Variants in RNF217 observed in about 807,000 individuals in gnomAD.
RNF217 encodes the protein E3 ubiquitin-protein ligase RNF217.
RNF217 carries 31 observed loss-of-function variants against 57.8 expected under a neutral mutation model. The observed-to-expected ratio is 0.54, with a 90% CI of 0.40 to 0.72. The LOEUF is 0.72. Ranked by LOEUF, RNF217 falls within the 30% of genes least tolerant of loss-of-function variation. The pLI is 0.00. For missense variants in RNF217, 696 were observed against 708.3 expected (o/e 0.98, Z 0.20); for synonymous variants, 313 against 294.0 (o/e 1.06, Z -0.66).
chr6:125,021,306 AC>A (rs1433710202), intron 1 of RNF217, among the ~76,000 whole-genome samples: 2 of 148,034 alleles, frequency 1.4e-5, no homozygotes, highest in Middle Eastern at 3.3e-3. Flanking sequence ...TTGGTCTGTC[AC>A]CAAGGCTGGA....
intron 2 of RNF217, among the ~76,000 whole-genome samples, chr6:125,054,970 T>C (rs998011674): frequency 6.6e-5 from 10 of 152,148 alleles, no homozygotes; most frequent in African/African-American, 9.7e-5. Flanking sequence ...GGTTGTGAGA[T>C]AGCATTTCAT....
At chr6:125,022,571 A>G (rs1785886352) in intron 1 of RNF217, among the ~76,000 whole-genome samples, 1 of 152,126 alleles carries the variant, frequency 6.6e-6, no homozygotes, top group Admixed American at 6.5e-5. Context: ...TGTTCCTTTA[A>G]GGGAGGCTGG....
chr6:125,075,150 T>C (rs771784589), intron 3 of RNF217, among the ~76,000 whole-genome samples: 1 of 152,178 alleles, frequency 6.6e-6, no homozygotes, highest in Non-Finnish European at 1.5e-5. Flanking sequence ...AGATGGTTTT[T>C]GCAATTTTTT....
chr6:124,982,337 A>G (rs1413594), intron 1 of RNF217, among the ~76,000 whole-genome samples: 130,074 of 152,116 alleles, frequency 0.86, 55,658 homozygotes, highest in East Asian at 0.89. Context: ...TTAATTTTTG[A>G]ATCATGACAG....
intron 3 of RNF217, among the ~76,000 whole-genome samples, chr6:125,076,450 ATAT>A (rs1788375899): frequency 6.6e-6 from 1 of 152,166 alleles, no homozygotes; most frequent in African/African-American, 2.4e-5. Context: ...AGTACCTGAA[ATAT>A]TATCAAGCTT....
chr6:125,009,023 A>G (rs1309274745), intron 1 of RNF217: 2 of 363,690 alleles, frequency 5.5e-6, no homozygotes, highest in South Asian at 1.2e-4. Context: ...ATGTAATTTT[A>G]TACCTCATTA....
At chr6:125,070,783 C>T (rs993255754) in intron 3 of RNF217, among the ~76,000 whole-genome samples, 1 of 152,058 alleles carries the variant, frequency 6.6e-6, no homozygotes. Context: ...TTGAAGGAAA[C>T]ACATATATAA....
chr6:125,035,120 A>T (rs1786548450), intron 1 of RNF217, among the ~76,000 whole-genome samples: 1 of 152,146 alleles, frequency 6.6e-6, no homozygotes. Flanking sequence ...GGTTTTCTAG[A>T]TATACAATGA....
intron 1 of RNF217, among the ~76,000 whole-genome samples, chr6:125,024,830 G>A (rs1786009479): frequency 1.3e-5 from 2 of 152,100 alleles, no homozygotes; most frequent in Non-Finnish European, 2.9e-5. Flanking sequence ...CATCAAGTAG[G>A]GAATTAAACG....
intron 1 of RNF217, among the ~76,000 whole-genome samples, chr6:124,976,770 GC>G (rs1241737813): frequency 2.0e-5 from 3 of 152,188 alleles, no homozygotes; most frequent in African/African-American, 7.2e-5. Flanking sequence ...CTCCCAAAGT[GC>G]TGGGATTACA....
intron 1 of RNF217, among the ~76,000 whole-genome samples, chr6:125,043,418 C>T (rs969430757): frequency 2.6e-5 from 4 of 152,010 alleles, no homozygotes; most frequent in African/African-American, 9.7e-5. Flanking sequence ...TACTATACTT[C>T]TCCTGAAAAC....
chr6:125,013,521 C>A (rs1440670309), intron 1 of RNF217, among the ~76,000 whole-genome samples: 2 of 150,690 alleles, frequency 1.3e-5, no homozygotes, highest in African/African-American at 4.9e-5. Context: ...CAAGCAGGTA[C>A]CACAGCCCTG....
intron 1 of RNF217, among the ~76,000 whole-genome samples, chr6:125,012,058 T>C (rs745417041): frequency 7.2e-5 from 11 of 152,006 alleles, no homozygotes; most frequent in Non-Finnish European, 7.4e-5. Context: ...AAGCCTTAGA[T>C]TAAATGAAAG....
At position 125,061,411 on chromosome 6, in the gene RNF217, C is replaced by T. The variant is rs191747655; in HGVS notation, c.1281+3305C>T. 1.6e-3 allele frequency among the ~76,000 whole-genome samples: 240 copies of T among 151,542 alleles called. 1 individual carries two copies. Among genetic ancestry groups the T allele is most frequent in the Non-Finnish European group, 2.4e-3 (166 of 67,790 alleles). ...TTATATTTTCCTGTTTGCTTGTAAA[C>T]TGAATATAAATTCATGTATTTTTGA... On this transcript the variant is annotated intron_variant, in intron 3 of 5. Coordinates refer to ENST00000521654, the MANE Select transcript of RNF217 (RefSeq NM_001286398.3).
At chr6:125,051,924 G>A (rs966616591) in intron 2 of RNF217, among the ~76,000 whole-genome samples, 5 of 151,936 alleles carry the variant, frequency 3.3e-5, no homozygotes, top group African/African-American at 9.7e-5. Flanking sequence ...ATGGGTCCTC[G>A]GACAAGAAAT....
chr6:125,051,311 A>AG (rs1219285837), intron 2 of RNF217, among the ~76,000 whole-genome samples: 1 of 151,932 alleles, frequency 6.6e-6, no homozygotes, highest in African/African-American at 2.4e-5. Context: ...ACAATGAACA[A>AG]GTGAAGAATC....
intron 1 of RNF217, among the ~76,000 whole-genome samples, chr6:125,010,478 A>G (rs899577660): frequency 6.6e-6 from 1 of 152,190 alleles, no homozygotes; most frequent in Non-Finnish European, 1.5e-5. Flanking sequence ...TCAAAGGAGC[A>G]TTGTGTTTGG....
intron 1 of RNF217, among the ~76,000 whole-genome samples, chr6:125,021,498 C>A (rs7454748): frequency 2.0e-5 from 3 of 151,920 alleles, no homozygotes; most frequent in Non-Finnish European, 2.9e-5. Context: ...AACTCCTGAC[C>A]TCGTGATCTA....
chr6:124,969,654 A>G (rs879243256), intron 1 of RNF217, among the ~76,000 whole-genome samples: 87 of 152,310 alleles, frequency 5.7e-4, no homozygotes, highest in Admixed American at 4.6e-3. Context: ...TTAAATACTT[A>G]TTACATACAA....
Sources: gnomAD v4.1 joint callset for allele counts (sites outside exome capture counted in the v4.1 genomes callset) on GRCh38, gnomAD v4.1.1 for gene constraint, MANE v1.5 for transcripts, NCBI Gene and HGNC (gene_info 2026-07-23, HGNC 2026-07-21) for gene names.